AQP4: variants seen among roughly 807,000 people sequenced by gnomAD.
AQP4 encodes the protein aquaporin 4, also known as aquaporin-4.
A neutral mutation model predicts 27.8 loss-of-function variants in AQP4; 18 were observed. The ratio of observed to expected loss-of-function variants is 0.65; its 90% CI spans 0.45 to 0.96. The LOEUF is 0.96. Among genes scored for constraint, AQP4 ranks in the 40% least tolerant of loss-of-function variants. AQP4 has a pLI of 0.00. For missense variants in AQP4, 412 were observed against 408.2 expected (o/e 1.01, Z -0.08); for synonymous variants, 141 against 142.9 (o/e 0.99, Z 0.10).
rs149529726 is a variant in AQP4 at position 26,856,401 on chromosome 18, C to T, written c.782G>A (p.Arg261His). The T allele has an allele frequency of 5.8e-5, 94 of 1,614,094 alleles. No individual in the cohort carries two copies. The highest frequency in any genetic ancestry group is 7.0e-5 in the Non-Finnish European group (83 of 1,180,048). Residue 261 changes from arginine to histidine, a missense_variant, in exon 5 of 5, where the codon CGT (arginine) becomes CAT (histidine). Arg to His is a conservative substitution (Grantham distance 29). Transcript: ENST00000383168. ...AGCTTTGCTGAAGGCTTCTTTAAAA[C>T]GACGTTTGAATTCAACATCTGGACA... ...VFCPDVEFKR[R>H]FKEAFSKAAQ...
At position 26,861,133 on chromosome 18, in the gene AQP4, C is replaced by A; in HGVS notation, c.610G>T (p.Ala204Ser). Residue 204 changes from alanine (A) to serine (S), a missense_variant and splice_region_variant, in exon 3 of 5, where the codon GCA (alanine) becomes TCA (serine). Physicochemically the swap from Ala to Ser is moderately conservative, Grantham distance 99. Coordinates refer to ENST00000383168, the MANE Select transcript of AQP4 (RefSeq NM_001650.7). ...TTTAAATGGACTTGGAAACTTACTGCAAATAAATGTCCAATTGCAACAGAA... is the reference window on the plus strand; with the variant it reads ...TTTAAATGGACTTGGAAACTTACTGAAAATAAATGTCCAATTGCAACAGAA... ...GFSVAIGHLFAINYTGASMNP... is the reference protein window; with the variant it reads ...GFSVAIGHLFSINYTGASMNP... 1 of 1,614,018 alleles carries A rather than the reference C, an allele frequency of 6.2e-7. No homozygotes were observed. Among genetic ancestry groups the A allele is most frequent in the Non-Finnish European group, 8.5e-7 (1 of 1,179,930 alleles).
intron 4 of AQP4, 71 bp from the exon 5 acceptor site, chr18:26,856,560 A>G: frequency 6.5e-7 from 1 of 1,540,134 alleles, no homozygotes; most frequent in Non-Finnish European, 9.0e-7. Context: ...TCATGAATGT[A>G]GAATCTAGCT....
intron 4 of AQP4, among the ~76,000 whole-genome samples, chr18:26,859,952 T>C (rs1261239552): frequency 2.0e-5 from 3 of 152,230 alleles, no homozygotes; most frequent in African/African-American, 7.2e-5. Context: ...CATATTTTTA[T>C]TGGCTATTGT....
rs964230459 is a variant in AQP4, at chr18:26,854,381, C to T, written c.*1830G>A. Reference sequence around the variant, plus strand: ...AAACATTTGAAATGACGGTGCAAACCATCTTTGGGAGATTTGTACCCTAGT... The same window carrying T: ...AAACATTTGAAATGACGGTGCAAACTATCTTTGGGAGATTTGTACCCTAGT... On this transcript the variant is annotated 3_prime_UTR_variant, in exon 5 of 5. Transcript: ENST00000383168. 2 of 152,160 alleles carry T rather than the reference C, an allele frequency of 1.3e-5. No individual in the cohort carries two copies. Among genetic ancestry groups the T allele is most frequent in the African/African-American group, 4.8e-5 (2 of 41,424 alleles). The allele number at this position is 152,160 out of a possible 1,614,324, so 9.4% of individuals were successfully genotyped here. A position where few individuals can be genotyped will look rare whatever the true frequency, so the allele number is the denominator to read the frequency against.
chr18:26,857,393 C>T (rs1022566811), intron 4 of AQP4, among the ~76,000 whole-genome samples: 4 of 151,982 alleles, frequency 2.6e-5, no homozygotes, highest in South Asian at 4.2e-4. Flanking sequence ...AGTGGGCGAT[C>T]GCCACTCACT....
chr18:26,865,590 T>C (rs938661517), intron 1 of AQP4, 68 bp downstream of exon 1: 3 of 1,604,816 alleles, frequency 1.9e-6, no homozygotes, highest in Admixed American at 3.3e-5. Flanking sequence ...CACAAACATC[T>C]ATAATAAAAG....
intron 1 of AQP4, among the ~76,000 whole-genome samples, chr18:26,864,807 G>C (rs1295542276): frequency 6.6e-6 from 1 of 152,084 alleles, no homozygotes; most frequent in African/African-American, 2.4e-5. Flanking sequence ...CAGCCCCGCA[G>C]GAGACACCAG....
chr18:26,862,349 C>T lies in AQP4; in HGVS notation c.280G>A (p.Gly94Ser). ...ACAGTCACTGCAGGGTTGATGTGGC[C>T]ACCGCTGATATGGCCAAAGCACTGC... The part of the protein sequence containing the change: ...MVQCFGHISG[G>S]HINPAVTVAM... The change falls in exon 2 of 5, where the codon GGC (glycine) becomes AGC (serine). Residue 94 changes from glycine to serine, a missense_variant. Physicochemically the swap from Gly to Ser is moderately conservative, Grantham distance 56. Transcript: ENST00000383168. The T allele has an allele frequency of 1.9e-6, 3 of 1,614,168 alleles. No homozygotes were observed. Among genetic ancestry groups the T allele is most frequent in the Non-Finnish European group, 2.5e-6 (3 of 1,180,032 alleles).
Position 26,856,377 on chromosome 18 carries a change from G to A in AQP4, c.806C>T (p.Ala269Val). The A allele has an allele frequency of 1.9e-6, 3 of 1,614,208 alleles. No individual in the cohort carries two copies. The highest frequency in any genetic ancestry group is 2.5e-6 in the Non-Finnish European group (3 of 1,180,046). The change falls in exon 5 of 5, where the codon GCT (alanine) becomes GTT (valine). Residue 269 changes from alanine (A) to valine (V), a missense_variant. Ala to Val is a moderately conservative substitution (Grantham distance 64, BLOSUM62 0). Transcript: ENST00000383168. The stretch of plus-strand genomic sequence containing the variant: ...GTAGCTTCCTTTTGTTTGCTGGGCA[G>A]CTTTGCTGAAGGCTTCTTTAAAACG... ...KRRFKEAFSKAAQQTKGSYME... is the reference protein window; with the variant it reads ...KRRFKEAFSKVAQQTKGSYME...
chr18:26,852,485 C>A lies in AQP4; in HGVS notation c.*3726G>T, dbSNP rs2054768642. The A allele has an allele frequency of 4.9e-6, 1 of 204,874 alleles. No homozygotes were observed. Among genetic ancestry groups the A allele is most frequent in the Non-Finnish European group, 9.7e-6 (1 of 103,092 alleles). 12.7% of individuals were successfully genotyped at this position (204,874 alleles called of 1,614,324 possible). The stretch of plus-strand genomic sequence containing the variant: ...GCTCTTAAATTTAGTGTTCATTGCA[C>A]ATAACATTTTTTGAAATGTATTTTC... On this transcript the variant is annotated 3_prime_UTR_variant, in exon 5 of 5. Coordinates refer to ENST00000383168, the MANE Select transcript of AQP4 (RefSeq NM_001650.7).
Position 26,862,199 on chromosome 18 carries a change from C to G in AQP4, c.430G>C (p.Gly144Arg). Residue 144 changes from glycine (G) to arginine (R), a missense_variant, in exon 2 of 5, where the codon GGC becomes CGC. By Grantham distance (125) the Gly-to-Arg change is moderately radical. Coordinates refer to ENST00000383168, the MANE Select transcript of AQP4 (RefSeq NM_001650.7). ...GATGCTACCATGGTGACTCCCAGGCCTCCCACCACACTGGGAGGTGTGACC... is the reference window on the plus strand; with the variant it reads ...GATGCTACCATGGTGACTCCCAGGCGTCCCACCACACTGGGAGGTGTGACC... Reference protein sequence around the residue: ...YLVTPPSVVGGLGVTMVHGNL... With the variant: ...YLVTPPSVVGRLGVTMVHGNL... The G allele has an allele frequency of 6.2e-7, 1 of 1,614,174 alleles. No homozygotes were observed. Among genetic ancestry groups the G allele is most frequent in the Non-Finnish European group, 8.5e-7 (1 of 1,180,046 alleles).
intron 1 of AQP4, chr18:26,865,291 A>C (rs566699948): frequency 2.7e-6 from 1 of 366,390 alleles, no homozygotes; most frequent in South Asian, 2.5e-5. Flanking sequence ...TTGTTGATGT[A>C]CTGAATCGGA....
chr18:26,860,777 G>T lies in AQP4; in HGVS notation c.688C>A (p.His230Asn). 6.2e-7 allele frequency: 1 copy of T among 1,613,242 alleles called. No individual in the cohort carries two copies. Among genetic ancestry groups the T allele is most frequent in the Non-Finnish European group, 8.5e-7 (1 of 1,179,232 alleles). ...PAVIMGNWEN[H>N]WIYWVGPIIG... is the part of the protein sequence containing the mutation. ...ACTATCAATATGAGGGTTACCCAAT[G>T]GTTTTCCCAATTTCCCATGATAACT... The change falls in exon 4 of 5, where the codon CAT (histidine) becomes AAT (asparagine). Residue 230 changes from histidine to asparagine, a missense_variant. His to Asn is a moderately conservative substitution (Grantham distance 68). Coordinates refer to ENST00000383168, the MANE Select transcript of AQP4 (RefSeq NM_001650.7).
At position 26,855,447 on chromosome 18, in the gene AQP4, G is replaced by A. The variant is rs1051339308; in HGVS notation, c.*764C>T. ...GATCTCCTTTTTGTTTGTGATTTTT[G>A]TATGATGATAACTTTGCCTCTGCCT... On this transcript the variant is annotated 3_prime_UTR_variant, in exon 5 of 5. Coordinates refer to ENST00000383168, the MANE Select transcript of AQP4 (RefSeq NM_001650.7). 1 of 152,240 alleles carries A rather than the reference G, an allele frequency of 6.6e-6. No homozygotes were observed. The highest frequency in any genetic ancestry group is 2.4e-5 in the African/African-American group (1 of 41,434). The allele number at this position is 152,240 out of a possible 1,614,324, so 9.4% of individuals were successfully genotyped here. A position where few individuals can be genotyped will look rare whatever the true frequency, so the allele number is the denominator to read the frequency against.
chr18:26,857,362 C>T (rs998508709), intron 4 of AQP4, among the ~76,000 whole-genome samples: 3 of 151,688 alleles, frequency 2.0e-5, no homozygotes, highest in Admixed American at 6.6e-5. Context: ...GAGTCTTGCT[C>T]TGTCACCTAG....
Position 26,853,002 on chromosome 18 carries a change from A to G in AQP4, c.*3209T>C, listed in dbSNP as rs1568061925. ...TCTAGTTTGGAATTTTCCTGTCATT[A>G]TCGAGTTTAAACCAATACATGTGTT... On this transcript the variant is annotated 3_prime_UTR_variant, in exon 5 of 5. Transcript: ENST00000383168. The G allele has an allele frequency of 2.5e-6, 1 of 397,608 alleles. No homozygotes were observed. Among genetic ancestry groups the G allele is most frequent in the African/African-American group, 2.1e-5 (1 of 48,642 alleles). The allele number at this position is 397,608 out of a possible 1,614,324, so 24.6% of individuals were successfully genotyped here. A position where few individuals can be genotyped will look rare whatever the true frequency, so the allele number is the denominator to read the frequency against.
intron 4 of AQP4, among the ~76,000 whole-genome samples, chr18:26,860,530 A>G (rs1045922842): frequency 4.6e-5 from 7 of 152,190 alleles, no homozygotes; most frequent in Non-Finnish European, 1.0e-4. Flanking sequence ...AGTGCTTCAA[A>G]AAAGGAAAAG....
In AQP4 at chr18:26,862,285, G is replaced by A. The variant is rs772401034; in HGVS notation, c.344C>T (p.Ser115Phe). Residue 115 changes from serine (S) to phenylalanine (F), a missense_variant, in exon 2 of 5, where the codon TCT becomes TTT. Ser to Phe is a radical substitution (Grantham distance 155). Coordinates refer to ENST00000383168, the MANE Select transcript of AQP4 (RefSeq NM_001650.7). Reference sequence around the variant, plus strand: ...GCACTGGGCTGCGATGTAGAAGACAGACTTGGCGATGCTGATCTTCCTGGT... The same window carrying A: ...GCACTGGGCTGCGATGTAGAAGACAAACTTGGCGATGCTGATCTTCCTGGT... ...VCTRKISIAK[S>F]VFYIAAQCLG... is the part of the protein sequence containing the mutation. 4 of 1,614,216 alleles carry A rather than the reference G, an allele frequency of 2.5e-6. No individual in the cohort carries two copies. The highest frequency in any genetic ancestry group is 3.4e-6 in the Non-Finnish European group (4 of 1,180,040).
In AQP4 at chr18:26,852,439, T is replaced by A; in HGVS notation, c.*3772A>T. The A allele has an allele frequency of 6.0e-6, 1 of 167,078 alleles. No homozygotes were observed. Among genetic ancestry groups the A allele is most frequent in the Middle Eastern group, 2.7e-3 (1 of 376 alleles). The allele number at this position is 167,078 out of a possible 1,614,324, so 10.3% of individuals were successfully genotyped here. ...TTAGCTCTTCGATTTTTTTTAAACA[T>A]GAGTGAGTCACACTGTAACTGCTCT... On this transcript the variant is annotated 3_prime_UTR_variant, in exon 5 of 5. Coordinates refer to ENST00000383168, the MANE Select transcript of AQP4 (RefSeq NM_001650.7).
Sources: gnomAD v4.1 joint callset for allele counts (sites outside exome capture counted in the v4.1 genomes callset) on GRCh38, gnomAD v4.1.1 for gene constraint, MANE v1.5 for transcripts, NCBI Gene and HGNC (gene_info 2026-07-23, HGNC 2026-07-21) for gene names.